The following TRMT11 variants were observed in gnomAD, a reference collection of about 807,000 sequenced individuals.
TRMT11 encodes the protein tRNA methyltransferase 11.
Under a neutral mutation model 62.8 loss-of-function variants are expected in TRMT11, and 53 were observed. That is an observed-to-expected ratio of 0.84 (90% CI 0.68 to 1.06). TRMT11 has a LOEUF of 1.06. TRMT11 is among the 50% of genes least tolerant of loss of function. TRMT11 has a pLI of 0.00. For missense variants in TRMT11, 556 were observed against 553.4 expected (o/e 1.00, Z -0.05); for synonymous variants, 188 against 190.3 (o/e 0.99, Z 0.10).
chr6:126,153,189 G>C (rs1198818956), intron 21 of TRMT11, among the ~76,000 whole-genome samples: 2 of 152,110 alleles, frequency 1.3e-5, no homozygotes, highest in Non-Finnish European at 2.9e-5. Context: ...CTTCAAGAAG[G>C]CTATAACATT....
At chr6:126,068,395 T>C (rs1776751483) in intron 17 of TRMT11, among the ~76,000 whole-genome samples, 1 of 152,242 alleles carries the variant, frequency 6.6e-6, no homozygotes, top group Non-Finnish European at 1.5e-5. Context: ...CTATGTTATC[T>C]TCTAGGAAGT....
chr6:126,007,698 T>TTAC (rs1793565773), intron 7 of TRMT11, among the ~76,000 whole-genome samples: 1 of 152,010 alleles, frequency 6.6e-6, no homozygotes, highest in Non-Finnish European at 1.5e-5. Flanking sequence ...ATCTGTCACA[T>TTAC]TACTTTGTCT....
At chr6:126,247,403 G>A in the TRMT11 span, among the ~76,000 whole-genome samples, 19 of 151,036 alleles carry the variant, frequency 1.3e-4, 1 homozygote, top group East Asian at 1.9e-3. Context: ...AGTTATCACC[G>A]CACCCAGCCA....
chr6:126,151,806 T>TTTTCTTTCTTTCTC (rs1778045424), intron 21 of TRMT11, among the ~76,000 whole-genome samples: 1 of 86,880 alleles, frequency 1.2e-5, no homozygotes. Flanking sequence ...CCTCTCTGTC[T>TTTTCTTTCTTTCTC]TTTCTTTCTT....
chr6:126,196,622 AAAT>A (rs1420139984), intron 1 of TRMT11, among the ~76,000 whole-genome samples: 1 of 152,028 alleles, frequency 6.6e-6, no homozygotes, highest in African/African-American at 2.4e-5. Flanking sequence ...TAAAATTAAA[AAAT>A]ATTTTTATTG....
At chr6:126,005,312 G>A (rs1291574410) in intron 7 of TRMT11, among the ~76,000 whole-genome samples, 5 of 152,044 alleles carry the variant, frequency 3.3e-5, no homozygotes, top group African/African-American at 1.2e-4. Flanking sequence ...AAAGGAGGTA[G>A]TATGATATAA....
At chr6:126,176,796 ATTC>A (rs1290944927), upstream of TRMT11, among the ~76,000 whole-genome samples, 1 of 152,122 alleles carries the variant, frequency 6.6e-6, no homozygotes, top group Admixed American at 6.5e-5. Flanking sequence ...GATTGTTACA[ATTC>A]TTCTTTTTAA....
the TRMT11 span, among the ~76,000 whole-genome samples, chr6:126,266,046 T>C: frequency 6.6e-6 from 1 of 152,150 alleles, no homozygotes; most frequent in Non-Finnish European, 1.5e-5. Context: ...TGATGAAACA[T>C]AGCTCACAAT....
chr6:126,111,085 C>T (rs1175250098), intron 17 of TRMT11, among the ~76,000 whole-genome samples: 1 of 151,962 alleles, frequency 6.6e-6, no homozygotes, highest in Non-Finnish European at 1.5e-5. Context: ...TTCCAAGAAC[C>T]CTGGGAGGGA....
In TRMT11 at chr6:126,088,140, A is replaced by C. The variant is rs549567723; in HGVS notation, c.*1438-24726A>C. On this transcript the variant is annotated intron_variant and NMD_transcript_variant, in intron 17 of 22. Transcript: ENST00000648977. ...TCTATATAGTATATATACTCTCTCT[A>C]TATATAGTATATATACTCTCTATAG... 4.6e-5 allele frequency among the ~76,000 whole-genome samples: 7 copies of C among 151,892 alleles called. No individual in the cohort carries two copies. The East Asian group carries it at 5.8e-4, about 13-fold the overall frequency.
the TRMT11 span, among the ~76,000 whole-genome samples, chr6:126,217,596 G>T: frequency 6.6e-6 from 1 of 152,124 alleles, no homozygotes; most frequent in Non-Finnish European, 1.5e-5. Context: ...CAAACAAATG[G>T]AATCTCTTCC....
At chr6:126,232,350 C>A in the TRMT11 span, among the ~76,000 whole-genome samples, 254 of 152,052 alleles carry the variant, frequency 1.7e-3, no homozygotes, top group Non-Finnish European at 1.5e-3. Flanking sequence ...AGAAGAAAAC[C>A]CCCAAACTCT....
intron 21 of TRMT11, among the ~76,000 whole-genome samples, chr6:126,139,250 A>G (rs1351881770): frequency 6.6e-6 from 1 of 152,088 alleles, no homozygotes; most frequent in Non-Finnish European, 1.5e-5. Flanking sequence ...TATTATAGGT[A>G]TGGCTACAAT....
the TRMT11 span, among the ~76,000 whole-genome samples, chr6:126,210,722 C>G: frequency 6.6e-6 from 1 of 152,260 alleles, no homozygotes; most frequent in African/African-American, 2.4e-5. Flanking sequence ...GCAATGTGTT[C>G]AAATCAAACT....
At chr6:126,255,292 T>C in the TRMT11 span, among the ~76,000 whole-genome samples, 1 of 152,238 alleles carries the variant, frequency 6.6e-6, no homozygotes, top group Non-Finnish European at 1.5e-5. Flanking sequence ...ACAGGCTCTC[T>C]TTAGCACTTC....
chr6:126,251,665 C>A, the TRMT11 span, among the ~76,000 whole-genome samples: 2 of 152,184 alleles, frequency 1.3e-5, no homozygotes, highest in African/African-American at 4.8e-5. Flanking sequence ...CCATTCTCCT[C>A]TGCTTCTATG....
At chr6:126,206,663 C>G (rs1333881187), downstream of TRMT11, among the ~76,000 whole-genome samples, 1 of 152,168 alleles carries the variant, frequency 6.6e-6, no homozygotes, top group African/African-American at 2.4e-5. Context: ...CTCATAATAA[C>G]TCATACAACT....
At chr6:126,133,926 G>A (rs1016708517) in intron 21 of TRMT11, among the ~76,000 whole-genome samples, 2 of 151,680 alleles carry the variant, frequency 1.3e-5, no homozygotes. Context: ...ATTTTCCATA[G>A]GCCCCAGAAT....
intron 1 of TRMT11, among the ~76,000 whole-genome samples, chr6:126,178,297 G>T (rs1778413765): frequency 6.6e-6 from 1 of 152,166 alleles, no homozygotes; most frequent in Non-Finnish European, 1.5e-5. Flanking sequence ...AGCTATGAGT[G>T]CTTGGCCATC....
Sources: gnomAD v4.1 joint callset for allele counts (sites outside exome capture counted in the v4.1 genomes callset) on GRCh38, gnomAD v4.1.1 for gene constraint, MANE v1.5 for transcripts, NCBI Gene and HGNC (gene_info 2026-07-23, HGNC 2026-07-21) for gene names.